The following SNX11 variants were observed in gnomAD, a reference collection of about 807,000 sequenced individuals.
The protein encoded by SNX11 is sorting nexin 11.
Under a neutral mutation model 30.7 loss-of-function variants are expected in SNX11, and 19 were observed. The ratio of observed to expected loss-of-function variants is 0.62; its 90% confidence interval spans 0.43 to 0.91. The LOEUF (loss-of-function observed/expected upper bound fraction) is 0.91. SNX11 is among the 40% of genes least tolerant of loss of function. The pLI, the probability that SNX11 is intolerant of heterozygous loss-of-function variation, is 0.00. For synonymous variants in SNX11, 112 were observed against 119.0 expected (o/e 0.94, Z 0.38); for missense variants, 302 against 326.7 (o/e 0.92, Z 0.58).
intron 4 of SNX11, among the ~76,000 whole-genome samples, chr17:48,117,028 T>C (rs1391474788): frequency 6.6e-6 from 1 of 151,206 alleles, no homozygotes; most frequent in African/African-American, 2.4e-5. Flanking sequence ...TGCACCACCA[T>C]GCCCTACTAA....
At chr17:48,114,729 GC>G (rs1383041378) in intron 4 of SNX11, among the ~76,000 whole-genome samples, 1 of 146,962 alleles carries the variant, frequency 6.8e-6, no homozygotes, top group Non-Finnish European at 1.5e-5. Context: ...TGTTGCCCAG[GC>G]TGGAGTGCAG....
chr17:48,109,789 G>A (rs893823443), intron 1 of SNX11, among the ~76,000 whole-genome samples: 2 of 152,018 alleles, frequency 1.3e-5, no homozygotes, highest in Non-Finnish European at 2.9e-5. Context: ...CGTTGGCCAG[G>A]CTGGTGTCTG....
At position 48,121,393 on chromosome 17, in the gene SNX11, A is replaced by G. The variant is rs368860741; in HGVS notation, c.698A>G (p.Asp233Gly). Residue 233 changes from aspartate to glycine, a missense_variant, in exon 7 of 7, where the codon GAT becomes GGT. Transcript: ENST00000359238. ...LPPLSSPLCC[D>G]FGRPKEGTST... ...CCCCTCTCCTCACCATTATGCTGTG[A>G]TTTTGGAAGACCCAAAGAGGGAACC... The G allele has an allele frequency of 1.2e-6, 2 of 1,614,156 alleles. No homozygotes were observed. The highest frequency in any genetic ancestry group is 1.7e-6 in the Non-Finnish European group (2 of 1,180,036).
At position 48,123,370 on chromosome 17, in the gene SNX11, G is replaced by C. The variant is rs555558683; in HGVS notation, c.*1862G>C. ...GCTGTGCCTGAAGCTCTCTGATCTC[G>C]AAACTTCCAGACAGGAGCTGGAGGT... On this transcript the variant is annotated 3_prime_UTR_variant, in exon 7 of 7. Coordinates refer to ENST00000359238, the MANE Select transcript of SNX11 (RefSeq NM_013323.3). Among the ~76,000 whole-genome samples, 1 of 152,052 alleles carries C rather than the reference G, an allele frequency of 6.6e-6. No homozygotes were observed. Among genetic ancestry groups the C allele is most frequent in the Non-Finnish European group, 1.5e-5 (1 of 68,016 alleles).
Position 48,121,242 on chromosome 17 carries a change from T to C in SNX11, c.547T>C (p.Phe183Leu). The C allele has an allele frequency of 6.2e-7, 1 of 1,614,052 alleles. No homozygotes were observed. Among genetic ancestry groups the C allele is most frequent in the Non-Finnish European group, 8.5e-7 (1 of 1,179,926 alleles). ...TTTCCCACTCTTTTCCAGTTGCTGC[T>C]TTCTTCCAAGATCGGGTAGGAGGAG... Reference protein sequence around the residue: ...AKGDQPKSCCFLPRSGRRSSP... With the variant: ...AKGDQPKSCCLLPRSGRRSSP... The change falls in exon 7 of 7, where the codon TTT becomes CTT. Residue 183 changes from phenylalanine to leucine, a missense_variant. Physicochemically the swap from Phe to Leu is conservative, Grantham distance 22. Coordinates refer to ENST00000359238, the MANE Select transcript of SNX11 (RefSeq NM_013323.3).
rs1211211898 is a variant in SNX11 at position 48,115,463 on chromosome 17, TTC to T, written c.230+2064_230+2065del. Among the ~76,000 whole-genome samples the T allele has an allele frequency of 2.6e-5, 4 of 152,228 alleles. No individual in the cohort carries two copies. In the South Asian group the frequency reaches 6.2e-4, roughly 24 times the overall value. On this transcript the variant is annotated intron_variant, in intron 4 of 6. Transcript: ENST00000359238. ...AGCCATACTAACATCAAAAATATTTTTCTTTCTTTATATGCATATATGTCTAG... is the reference window on the plus strand; with the variant it reads ...AGCCATACTAACATCAAAAATATTTTTTTCTTTATATGCATATATGTCTAG...
At chr17:48,120,722 G>A (rs909475521) in intron 6 of SNX11, among the ~76,000 whole-genome samples, 1 of 151,114 alleles carries the variant, frequency 6.6e-6, no homozygotes, top group African/African-American at 2.4e-5. Flanking sequence ...GTGTTAGCCA[G>A]GATGGCCTCC....
At chr17:48,112,683 T>C in intron 3 of SNX11, 23 bp downstream of exon 3, 6 of 1,536,584 alleles carry the variant, frequency 3.9e-6, no homozygotes, top group African/African-American at 2.7e-5. Context: ...AGCTTCTGTA[T>C]TGGGGTCAGC....
chr17:48,115,943 CTT>C (rs34017840), intron 4 of SNX11, among the ~76,000 whole-genome samples: 212 of 130,260 alleles, frequency 1.6e-3, no homozygotes, highest in Admixed American at 1.9e-3. Flanking sequence ...CTTTTTCTTT[CTT>C]TTTTTTTTTT....
In SNX11 at chr17:48,111,840, A is replaced by G. The variant is rs113151423; in HGVS notation, c.-13-191A>G. The G allele has an allele frequency of 1.1e-3, 630 of 575,096 alleles. 8 individuals carry two copies. In the African/African-American group the frequency reaches 0.011, roughly 10 times the overall value. 35.6% of individuals were successfully genotyped at this position (575,096 alleles called of 1,614,324 possible). On this transcript the variant is annotated intron_variant, in intron 1 of 6. Transcript: ENST00000359238. Reference sequence around the variant, plus strand: ...GTCTGAGAAGGGAGGCAAATCCCCCAGGGCCTTTTAGCTTGGCATTGAGCT... The same window carrying G: ...GTCTGAGAAGGGAGGCAAATCCCCCGGGGCCTTTTAGCTTGGCATTGAGCT...
Position 48,112,177 on chromosome 17 carries a change from T to C in SNX11, c.42+92T>C, listed in dbSNP as rs187942539. 1.1e-5 allele frequency: 12 copies of C among 1,109,166 alleles called. No homozygotes were observed. The East Asian group carries it at 2.3e-4, about 22-fold the overall frequency. 68.7% of individuals were successfully genotyped at this position (1,109,166 alleles called of 1,614,324 possible). A position where few individuals can be genotyped will look rare whatever the true frequency, so the allele number is the denominator to read the frequency against. The stretch of plus-strand genomic sequence containing the variant: ...CATAGAGATGCAAATCATTAATTAT[T>C]ACCTGCAGTATTACTTTGGTGGTTC... On this transcript the variant is annotated intron_variant, in intron 2 of 6. Coordinates refer to ENST00000359238, the MANE Select transcript of SNX11 (RefSeq NM_013323.3).
At chr17:48,118,128 G>A (rs2063563607) in intron 4 of SNX11, among the ~76,000 whole-genome samples, 1 of 152,174 alleles carries the variant, frequency 6.6e-6, no homozygotes, top group Non-Finnish European at 1.5e-5. Context: ...TATTAGCTGT[G>A]TAACAGTGAG....
At position 48,121,408 on chromosome 17, in the gene SNX11, A is replaced by G; in HGVS notation, c.713A>G (p.Lys238Arg). The change falls in exon 7 of 7, where the codon AAA becomes AGA. Residue 238 changes from lysine to arginine, a missense_variant. Lys to Arg is a conservative substitution (Grantham distance 26, BLOSUM62 2). Coordinates refer to ENST00000359238, the MANE Select transcript of SNX11 (RefSeq NM_013323.3). Reference protein sequence around the residue: ...SPLCCDFGRPKEGTSTLQSVR... With the variant: ...SPLCCDFGRPREGTSTLQSVR... ...TTATGCTGTGATTTTGGAAGACCCA[A>G]AGAGGGAACCTCCACTCTTCAGTCT... 1.2e-6 allele frequency: 2 copies of G among 1,614,152 alleles called. No homozygotes were observed. The highest frequency in any genetic ancestry group is 2.2e-5 in the East Asian group (1 of 44,888).
intron 2 of SNX11, 53 bp downstream of exon 2, chr17:48,112,138 A>G: frequency 6.9e-7 from 1 of 1,442,014 alleles, no homozygotes; most frequent in Non-Finnish European, 9.8e-7. Flanking sequence ...GAGGGGATTT[A>G]GGAGGAAAGA....
At chr17:48,107,593 C>G (rs1034324818), upstream of SNX11, 4 of 152,302 alleles carry the variant, frequency 2.6e-5, no homozygotes, top group Non-Finnish European at 5.9e-5. Flanking sequence ...CTCCGGCGTC[C>G]CAAGTGAGTG....
At chr17:48,111,060 G>T in intron 1 of SNX11, 1 of 984,086 alleles carries the variant, frequency 1.0e-6, no homozygotes, top group Non-Finnish European at 1.2e-6. Flanking sequence ...AACGCATCCT[G>T]AGTCGACCTG....
chr17:48,113,409 T>C lies in SNX11; in HGVS notation c.230+8T>C, dbSNP rs781722907. On this transcript the variant is annotated splice_region_variant and intron_variant, in intron 4 of 6. Coordinates refer to ENST00000359238, the MANE Select transcript of SNX11 (RefSeq NM_013323.3). ...GAGAAATGCTGGTTTGGTGTGAGTT[T>C]GCTCTTGCTTCCTTCTTGGGTCTGT... 1.3e-5 allele frequency: 21 copies of C among 1,607,366 alleles called. No homozygotes were observed. Among genetic ancestry groups the C allele is most frequent in the East Asian group, 2.2e-5 (1 of 44,832 alleles).
chr17:48,116,946 A>C (rs1290777271), intron 4 of SNX11, among the ~76,000 whole-genome samples: 22 of 146,276 alleles, frequency 1.5e-4, no homozygotes, highest in African/African-American at 5.4e-4. Flanking sequence ...ATCTCGGCTC[A>C]CTGCAACCTC....
At position 48,115,805 on chromosome 17, in the gene SNX11, G is replaced by A. The variant is rs2063539643; in HGVS notation, c.230+2404G>A. Among the ~76,000 whole-genome samples, 3 of 152,282 alleles carry A rather than the reference G, an allele frequency of 2.0e-5. No individual in the cohort carries two copies. In the South Asian group the frequency reaches 6.2e-4, roughly 32 times the overall value. ...GGTGGCCTGTTGAGTGACCAAGTCA[G>A]TTAGTTAACATGTGGAACTGATGAG... On this transcript the variant is annotated intron_variant, in intron 4 of 6. Coordinates refer to ENST00000359238, the MANE Select transcript of SNX11 (RefSeq NM_013323.3).
Sources: gnomAD v4.1 joint callset for allele counts (sites outside exome capture counted in the v4.1 genomes callset) on GRCh38, gnomAD v4.1.1 for gene constraint, MANE v1.5 for transcripts, NCBI Gene and HGNC (gene_info 2026-07-23, HGNC 2026-07-21) for gene names.